NEGR1: variants seen among roughly 807,000 people sequenced by gnomAD.
NEGR1 encodes IgLON family member 4.
Under a neutral mutation model 40.9 loss-of-function variants are expected in NEGR1, and 10 were observed. The observed-to-expected ratio is 0.24, with a 90% CI of 0.15 to 0.42. The LOEUF is 0.42. NEGR1 is among the 10% of genes least tolerant of loss of function. NEGR1 has a pLI of 1.00. For synonymous variants in NEGR1, 185 were observed against 166.8 expected (o/e 1.11, Z -0.84); for missense variants, 352 against 438.9 (o/e 0.80, Z 1.77).
intron 1 of NEGR1, among the ~76,000 whole-genome samples, chr1:71,939,967 T>C (rs1053432815): frequency 2.6e-5 from 4 of 152,138 alleles, no homozygotes; most frequent in African/African-American, 9.7e-5. Context: ...GCCAGTTGGC[T>C]TGCATTCTTA....
At chr1:71,662,783 A>G (rs1433258660) in intron 4 of NEGR1, among the ~76,000 whole-genome samples, 1 of 151,810 alleles carries the variant, frequency 6.6e-6, no homozygotes, top group Non-Finnish European at 1.5e-5. Flanking sequence ...TATCTCATAG[A>G]TGACTTTTAA....
At chr1:72,033,545 T>A (rs1557493264) in intron 1 of NEGR1, among the ~76,000 whole-genome samples, 1 of 152,190 alleles carries the variant, frequency 6.6e-6, no homozygotes, top group East Asian at 1.9e-4. Context: ...ACTATTTCAC[T>A]TTCAAGTAAA....
At chr1:71,789,128 T>C (rs1490579969) in intron 2 of NEGR1, among the ~76,000 whole-genome samples, 1 of 152,126 alleles carries the variant, frequency 6.6e-6, no homozygotes, top group Non-Finnish European at 1.5e-5. Context: ...TATACACATA[T>C]GGAGGCTGGA....
chr1:71,879,935 C>T (rs939092535), intron 2 of NEGR1, among the ~76,000 whole-genome samples: 2 of 152,108 alleles, frequency 1.3e-5, no homozygotes, highest in South Asian at 2.1e-4. Context: ...CCAACTCTTA[C>T]TTCAGAAATT....
intron 2 of NEGR1, among the ~76,000 whole-genome samples, chr1:71,920,995 C>A (rs1645711821): frequency 1.3e-5 from 2 of 152,016 alleles, no homozygotes; most frequent in African/African-American, 4.8e-5. Context: ...ATAATCGCAC[C>A]CAAAAGCTAA....
At chr1:71,743,408 T>C (rs1195506090) in intron 3 of NEGR1, among the ~76,000 whole-genome samples, 8 of 136,190 alleles carry the variant, frequency 5.9e-5, no homozygotes. Context: ...CTGTCATTGG[T>C]TTTTTTTTTT....
At chr1:71,906,852 A>G (rs974670161) in intron 2 of NEGR1, among the ~76,000 whole-genome samples, 1 of 152,170 alleles carries the variant, frequency 6.6e-6, no homozygotes, top group East Asian at 1.9e-4. Context: ...GCTCTTAGCT[A>G]TACCTAGCAC....
rs1366450053 is a variant in NEGR1, at chr1:71,671,723, A to G, written c.667+26285T>C. Among the ~76,000 whole-genome samples the G allele has an allele frequency of 2.0e-5, 3 of 152,126 alleles. No individual in the cohort carries two copies. The East Asian group carries it at 5.8e-4, about 30-fold the overall frequency. Reference sequence around the variant, plus strand: ...GCCAGGGTTCTTCTCACTGGTCTCTATTCTGTTCAACCTTCTTTGACTGCA... The same window carrying G: ...GCCAGGGTTCTTCTCACTGGTCTCTGTTCTGTTCAACCTTCTTTGACTGCA... On this transcript the variant is annotated intron_variant, in intron 4 of 6. Transcript: ENST00000357731.
At chr1:72,034,947 T>C (rs1382807715) in intron 1 of NEGR1, among the ~76,000 whole-genome samples, 1 of 152,132 alleles carries the variant, frequency 6.6e-6, no homozygotes, top group Non-Finnish European at 1.5e-5. Context: ...GTACATTCAA[T>C]ATGGCAGTTC....
At chr1:72,224,128 T>C (rs1314987293) in intron 1 of NEGR1, among the ~76,000 whole-genome samples, 1 of 152,142 alleles carries the variant, frequency 6.6e-6, no homozygotes, top group Non-Finnish European at 1.5e-5. Context: ...TTCTGAAGTA[T>C]ACCAAAATGA....
intron 2 of NEGR1, among the ~76,000 whole-genome samples, chr1:71,908,924 T>C (rs1661351765): frequency 6.6e-6 from 1 of 152,204 alleles, no homozygotes; most frequent in Non-Finnish European, 1.5e-5. Flanking sequence ...ATGAGCTGAC[T>C]TATTTTCCCT....
intron 3 of NEGR1, among the ~76,000 whole-genome samples, chr1:71,768,555 G>A (rs1311987704): frequency 1.3e-5 from 2 of 152,152 alleles, no homozygotes; most frequent in African/African-American, 4.8e-5. Flanking sequence ...CAGGCACATA[G>A]GAAGAAGGGA....
chr1:72,176,984 G>A (rs1307716736), intron 1 of NEGR1, among the ~76,000 whole-genome samples: 1 of 151,958 alleles, frequency 6.6e-6, no homozygotes, highest in African/African-American at 2.4e-5. Context: ...GGGTTGTATG[G>A]CCATAGACTC....
chr1:72,036,839 A>G (rs1440779401), intron 1 of NEGR1, among the ~76,000 whole-genome samples: 1 of 152,074 alleles, frequency 6.6e-6, no homozygotes, highest in Admixed American at 6.6e-5. Context: ...AATAATCAAT[A>G]TGGTTAATTT....
intron 1 of NEGR1, among the ~76,000 whole-genome samples, chr1:72,008,350 T>G (rs536599599): frequency 1.5e-4 from 23 of 152,252 alleles, no homozygotes; most frequent in African/African-American, 5.1e-4. Context: ...GGTTTTTCTA[T>G]CTAATAAAAT....
intron 6 of NEGR1, among the ~76,000 whole-genome samples, chr1:71,526,101 T>C (rs1016113549): frequency 6.6e-6 from 1 of 151,560 alleles, no homozygotes; most frequent in African/African-American, 2.4e-5. Context: ...ATATTCTAAA[T>C]TGCATCGTAG....
At chr1:72,162,922 T>G (rs1366328744) in intron 1 of NEGR1, among the ~76,000 whole-genome samples, 1 of 152,160 alleles carries the variant, frequency 6.6e-6, no homozygotes, top group Non-Finnish European at 1.5e-5. Context: ...AAATTTCTTG[T>G]TGCTTGCAAG....
At chr1:71,731,979 C>G (rs1481840830) in intron 3 of NEGR1, among the ~76,000 whole-genome samples, 2 of 152,066 alleles carry the variant, frequency 1.3e-5, no homozygotes, top group Non-Finnish European at 2.9e-5. Flanking sequence ...AAATTGAAGC[C>G]TCCAGTTTTC....
At chr1:71,626,199 G>A (rs1280631727) in intron 4 of NEGR1, among the ~76,000 whole-genome samples, 11 of 151,758 alleles carry the variant, frequency 7.2e-5, no homozygotes, top group African/African-American at 2.4e-4. Context: ...AAACTAAATG[G>A]TTAACTTTAT....
Sources: allele counts gnomAD v4.1 joint callset (sites outside exome capture counted in the v4.1 genomes callset), GRCh38; gene constraint gnomAD v4.1.1; transcripts MANE v1.5; gene names NCBI Gene and HGNC (gene_info 2026-07-23, HGNC 2026-07-21).